SYVN1: variants seen among roughly 807,000 people sequenced by gnomAD.
SYVN1 encodes the protein synoviolin 1.
Under a neutral mutation model 62.6 loss-of-function variants are expected in SYVN1, and 17 were observed. The ratio of observed to expected loss-of-function variants is 0.27; its 90% CI spans 0.19 to 0.41. SYVN1 has a LOEUF of 0.41. SYVN1 is among the 10% of genes least tolerant of loss of function. The probability of loss-of-function intolerance (pLI) is 1.00; values close to 1 mark genes in which losing one functional copy is unlikely to be tolerated. For synonymous variants in SYVN1, 316 were observed against 304.0 expected, an observed-to-expected ratio of 1.04 and a Z score of -0.41; for missense variants, 634 against 818.0, an observed-to-expected ratio of 0.78 and a Z score of 2.74.
Position 65,128,141 on chromosome 11 carries a change from C to T in SYVN1, c.*241G>A, listed in dbSNP as rs1311224527. The T allele has an allele frequency of 3.4e-6, 2 of 588,750 alleles. No homozygotes were observed. Among genetic ancestry groups the T allele is most frequent in the Non-Finnish European group, 6.1e-6 (2 of 330,428 alleles). The allele number at this position is 588,750 out of a possible 1,614,324, so 36.5% of individuals were successfully genotyped here. Reference sequence around the variant, plus strand: ...CTGCCTTCATGGCCCCAGCAGAACACAGGGCTGAAGAGTTGGAGAGGAAGG... The same window carrying T: ...CTGCCTTCATGGCCCCAGCAGAACATAGGGCTGAAGAGTTGGAGAGGAAGG... On this transcript the variant is annotated 3_prime_UTR_variant, in exon 16 of 16. Transcript: ENST00000377190.
Position 65,132,299 on chromosome 11 carries a change from A to G in SYVN1, c.480T>C (p.Tyr160=), listed in dbSNP as rs780832914. ...AGGCCCCACGGGTCAGGATGCTGTG[A>G]TAGGCGTGGCTGACGAAGAGGAAGT... ...ILDFLFVSHA[Y]HSILTRGASV... is the part of the protein sequence containing the mutation. The change falls in exon 6 of 16, where the codon TAT becomes TAC. Residue 160 remains tyrosine (Y), a synonymous_variant. Transcript: ENST00000377190. The G allele has an allele frequency of 1.2e-6, 2 of 1,614,140 alleles. No individual in the cohort carries two copies. The highest frequency in any genetic ancestry group is 1.7e-5 in the Admixed American group (1 of 60,024).
At position 65,130,726 on chromosome 11, in the gene SYVN1, C is replaced by T; in HGVS notation, c.1039G>A (p.Glu347Lys). 6.6e-7 allele frequency: 1 copy of T among 1,525,830 alleles called. No homozygotes were observed. Among genetic ancestry groups the T allele is most frequent in the Non-Finnish European group, 8.8e-7 (1 of 1,141,270 alleles). The allele number at this position is 1,525,830 out of a possible 1,614,324, so 94.5% of individuals were successfully genotyped here. ...SLPAQSPPPP[E>K]PADQGPPPAP... ...GGGGGTGGCCCCTGATCCGCAGGCT[C>T]CGGGGGTGGTGGTGACTGCGCTGGC... is the stretch of plus-strand genomic sequence containing the variant. Residue 347 changes from glutamate to lysine, a missense_variant, in exon 11 of 16, where the codon GAG becomes AAG. Physicochemically the swap from Glu to Lys is moderately conservative, Grantham distance 56 (BLOSUM62 1). Transcript: ENST00000377190.
At position 65,127,884 on chromosome 11, in the gene SYVN1, G is replaced by C. The variant is rs1170094338; in HGVS notation, c.*498C>G. ...GGGGGCACAGCCACCACCACAAGAG[G>C]CTTCTGGGGAGATCAGGGTAAGAAA... On this transcript the variant is annotated 3_prime_UTR_variant, in exon 16 of 16. Transcript: ENST00000377190. 4 of 160,298 alleles carry C rather than the reference G, an allele frequency of 2.5e-5. No homozygotes were observed. Among genetic ancestry groups the C allele is most frequent in the African/African-American group, 9.6e-5 (4 of 41,582 alleles). The allele number at this position is 160,298 out of a possible 1,614,324, so 9.9% of individuals were successfully genotyped here.
Position 65,129,787 on chromosome 11 carries a change from G to A in SYVN1, c.1537C>T (p.Leu513=), listed in dbSNP as rs2137239809. Residue 513 remains leucine, a synonymous_variant, in exon 14 of 16, where the codon CTG becomes TTG. Coordinates refer to ENST00000377190, the MANE Select transcript of SYVN1 (RefSeq NM_172230.3). ...ATCTGCAGCATGGCGGCGTCCAGCA[G>A]TGTGTGGATGTTACGCAGGCTCTGC... ...RLQSLRNIHT[L]LDAAMLQINQ... 1 of 1,614,266 alleles carries A rather than the reference G, an allele frequency of 6.2e-7. No homozygotes were observed. The highest frequency in any genetic ancestry group is 8.5e-7 in the Non-Finnish European group (1 of 1,180,050).
Position 65,131,138 on chromosome 11 carries a change from T to C in SYVN1, c.818A>G (p.Asn273Ser), listed in dbSNP as rs1285416403. Residue 273 changes from asparagine (N) to serine (S), a missense_variant, in exon 9 of 16, where the codon AAC (asparagine) becomes AGC (serine). Transcript: ENST00000377190. The part of the protein sequence containing the change: ...IMSRRAIRNM[N>S]TLYPDATPEE... The stretch of plus-strand genomic sequence containing the variant: ...CCATGACAAGCCTACTTACAGGGTG[T>C]TCATGTTGCGGATGGCTCGGCGAGA... 2 of 1,614,060 alleles carry C rather than the reference T, an allele frequency of 1.2e-6. No individual in the cohort carries two copies. Among genetic ancestry groups the C allele is most frequent in the East Asian group, 2.2e-5 (1 of 44,900 alleles).
Position 65,132,435 on chromosome 11 carries a change from C to G in SYVN1, c.428-84G>C, listed in dbSNP as rs1292185775. On this transcript the variant is annotated intron_variant, in intron 5 of 15. Transcript: ENST00000377190. ...TAATGCTCTAGGACAGCCCCACCCTCAAGCCCACCATGGCCCCAGCGATCT... is the reference window on the plus strand; with the variant it reads ...TAATGCTCTAGGACAGCCCCACCCTGAAGCCCACCATGGCCCCAGCGATCT... 6.2e-6 allele frequency: 6 copies of G among 971,156 alleles called. No individual in the cohort carries two copies. In the African/African-American group the frequency reaches 8.1e-5, roughly 13 times the overall value. 60.2% of individuals were successfully genotyped at this position (971,156 alleles called of 1,614,324 possible). A position where few individuals can be genotyped will look rare whatever the true frequency, so the allele number is the denominator to read the frequency against.
At position 65,130,835 on chromosome 11, in the gene SYVN1, G is replaced by T. The variant is rs758023684; in HGVS notation, c.942-12C>A. Reference sequence around the variant, plus strand: ...AGGAGCGCAGGCAGCTGCGGGTCAAGGCCAGGCAGAGGTCAGCAGGTCCCT... The same window carrying T: ...AGGAGCGCAGGCAGCTGCGGGTCAATGCCAGGCAGAGGTCAGCAGGTCCCT... On this transcript the variant is annotated splice_polypyrimidine_tract_variant and intron_variant, in intron 10 of 15. Coordinates refer to ENST00000377190, the MANE Select transcript of SYVN1 (RefSeq NM_172230.3). 1 of 1,585,940 alleles carries T rather than the reference G, an allele frequency of 6.3e-7. No individual in the cohort carries two copies.
At chr11:65,134,206 G>A (rs1179773450) in intron 1 of SYVN1, 2 of 153,216 alleles carry the variant, frequency 1.3e-5, no homozygotes, top group Non-Finnish European at 2.9e-5. Flanking sequence ...GGACGGGAGA[G>A]AGCAGCAGCG....
In SYVN1 at chr11:65,130,323, TG is replaced by T; in HGVS notation, c.1161del (p.Met388TrpfsTer97). ...FPPGMFPLWPPMGPFPPVPPP... is the reference protein window; with the variant it reads ...FPPGMFPLWPXMGPFPPVPPP... ...GGCGGGACAGGTGGAAAGGGGCCCA[TG>T]GGGGGCCACAGTGGGAACATGCCTG... On this transcript the variant is annotated frameshift_variant, in exon 12 of 16. Transcript: ENST00000377190. LOFTEE classifies it high-confidence loss of function. The T allele has an allele frequency of 6.3e-7, 1 of 1,579,816 alleles. No individual in the cohort carries two copies. The highest frequency in any genetic ancestry group is 2.3e-5 in the East Asian group (1 of 44,360).
chr11:65,129,674 G>T, intron 14 of SYVN1, 55 bp downstream of exon 14: 1 of 1,563,432 alleles, frequency 6.4e-7, no homozygotes, highest in South Asian at 1.1e-5. Context: ...GGGACCTCTT[G>T]GCAGCTCCAC....
Position 65,133,053 on chromosome 11 carries a change from A to G in SYVN1, c.247T>C (p.Tyr83His). 1 of 1,614,248 alleles carries G rather than the reference A, an allele frequency of 6.2e-7. No individual in the cohort carries two copies. The highest frequency in any genetic ancestry group is 8.5e-7 in the Non-Finnish European group (1 of 1,180,046). ...GCCAGACAAGTCTCTGTGACGGCGT[A>G]CCAGGAACGTTCCAGAAGGTGCTGG... Reference protein sequence around the residue: ...EMEHLLERSWYAVTETCLAFT... With the variant: ...EMEHLLERSWHAVTETCLAFT... The change falls in exon 4 of 16, where the codon TAC becomes CAC. Residue 83 changes from tyrosine (Y) to histidine (H), a missense_variant. Tyr to His is a moderately conservative substitution (Grantham distance 83). Transcript: ENST00000377190.
chr11:65,132,225 T>C (rs1201175558), intron 6 of SYVN1, 23 bp downstream of exon 6: 1 of 1,596,938 alleles, frequency 6.3e-7, no homozygotes, highest in East Asian at 2.2e-5. Flanking sequence ...GCTTGTCCTC[T>C]CAACCTCCCA....
rs187504919 is a variant in SYVN1 at position 65,131,731 on chromosome 11, G to A, written c.532-135C>T. Reference sequence around the variant, plus strand: ...TCTAGACACACCCAGGGTCCTCCTAGCCCCTCCACTTACTAGCTGTGACTT... The same window carrying A: ...TCTAGACACACCCAGGGTCCTCCTAACCCCTCCACTTACTAGCTGTGACTT... On this transcript the variant is annotated intron_variant, in intron 6 of 15. Coordinates refer to ENST00000377190, the MANE Select transcript of SYVN1 (RefSeq NM_172230.3). 9 of 1,020,556 alleles carry A rather than the reference G, an allele frequency of 8.8e-6. No individual in the cohort carries two copies. The Admixed American group carries it at 1.6e-4, about 18-fold the overall frequency. The allele number at this position is 1,020,556 out of a possible 1,614,324, so 63.2% of individuals were successfully genotyped here. A position where few individuals can be genotyped will look rare whatever the true frequency, so the allele number is the denominator to read the frequency against.
chr11:65,133,053 ACC>A lies in SYVN1; in HGVS notation c.245_246del (p.Trp82LeufsTer16). 1 of 1,614,248 alleles carries A rather than the reference ACC, an allele frequency of 6.2e-7. No homozygotes were observed. The highest frequency in any genetic ancestry group is 8.5e-7 in the Non-Finnish European group (1 of 1,180,046). On this transcript the variant is annotated frameshift_variant, in exon 4 of 16. Transcript: ENST00000377190. LOFTEE classifies it high-confidence loss of function. ...AEMEHLLERSWYAVTETCLAF... is the reference protein window; with the variant it reads ...AEMEHLLERSXYAVTETCLAF... ...GCCAGACAAGTCTCTGTGACGGCGTACCAGGAACGTTCCAGAAGGTGCTGGGG... is the reference window on the plus strand; with the variant it reads ...GCCAGACAAGTCTCTGTGACGGCGTAAGGAACGTTCCAGAAGGTGCTGGGG...
In SYVN1 at chr11:65,128,265, A is replaced by T. The variant is rs1440408165; in HGVS notation, c.*117T>A. 1.2e-6 allele frequency: 1 copy of T among 849,558 alleles called. No homozygotes were observed. Among genetic ancestry groups the T allele is most frequent in the Non-Finnish European group, 1.9e-6 (1 of 539,132 alleles). 52.6% of individuals were successfully genotyped at this position (849,558 alleles called of 1,614,324 possible). On this transcript the variant is annotated 3_prime_UTR_variant, in exon 16 of 16. Coordinates refer to ENST00000377190, the MANE Select transcript of SYVN1 (RefSeq NM_172230.3). ...GCCTAGGGGATGCCGCCTCTTTCTCAGAGCTGGGGGTACTACTCCCTGGTG... is the reference window on the plus strand; with the variant it reads ...GCCTAGGGGATGCCGCCTCTTTCTCTGAGCTGGGGGTACTACTCCCTGGTG...
rs138862659 is a variant in SYVN1 at position 65,130,790 on chromosome 11, G to A, written c.975C>T (p.Thr325=). The stretch of plus-strand genomic sequence containing the variant: ...GGACATCCATACGGCAGGTGGGGCA[G>A]GTCTGCTGCCGCTGGAACCAGGAGC... ...CLRSWFQRQQ[T]CPTCRMDVLR... The change falls in exon 11 of 16, where the codon ACC becomes ACT. Residue 325 remains threonine (T), a synonymous_variant. Transcript: ENST00000377190. 13 of 1,550,380 alleles carry A rather than the reference G, an allele frequency of 8.4e-6. No homozygotes were observed. Among genetic ancestry groups the A allele is most frequent in the Non-Finnish European group, 3.5e-6 (4 of 1,153,814 alleles).
chr11:65,132,277 C>T lies in SYVN1; in HGVS notation c.502G>A (p.Ala168Thr). ...HAYHSILTRG[A>T]SVQLVFGFEY... ...AAGCCAAACACCAGCTGCACAGAGG[C>T]CCCACGGGTCAGGATGCTGTGATAG... Residue 168 changes from alanine to threonine, a missense_variant, in exon 6 of 16, where the codon GCC (alanine) becomes ACC (threonine). By Grantham distance (58) the Ala-to-Thr change is moderately conservative. Around this residue, in one of 2 missense-constraint regions of SYVN1, gnomAD observed 283 missense variants for 444.7 expected, o/e 0.64. Transcript: ENST00000377190. 2.5e-6 allele frequency: 4 copies of T among 1,614,056 alleles called. No homozygotes were observed. The highest frequency in any genetic ancestry group is 3.4e-6 in the Non-Finnish European group (4 of 1,179,932).
chr11:65,132,878 C>A, intron 4 of SYVN1, 44 bp downstream of exon 4: 1 of 1,613,278 alleles, frequency 6.2e-7, no homozygotes. Context: ...CCGCTGGCTA[C>A]TCCCTGGCTT....
chr11:65,131,657 T>A, intron 6 of SYVN1, 61 bp from the exon 7 acceptor site: 2 of 1,589,128 alleles, frequency 1.3e-6, no homozygotes, highest in Non-Finnish European at 1.7e-6. Context: ...TGCACCCACA[T>A]TGCTCCCCAA....
Sources: allele counts gnomAD v4.1 joint callset, GRCh38; gene constraint gnomAD v4.1.1; regional missense constraint gnomAD v4.1.1; transcripts MANE v1.5; gene names NCBI Gene and HGNC (gene_info 2026-07-23, HGNC 2026-07-21).